Variants in ARID3A observed in about 807,000 individuals in gnomAD.
The protein encoded by ARID3A is AT-rich interactive domain-containing protein 3A.
A neutral mutation model predicts 52.7 loss-of-function variants in ARID3A; 11 were observed. That is an observed-to-expected ratio of 0.21 (90% CI 0.13 to 0.35). ARID3A has a LOEUF of 0.35. ARID3A is among the 10% of genes least tolerant of loss of function. The pLI, the probability that ARID3A is intolerant of heterozygous loss-of-function variation, is 1.00. For synonymous variants in ARID3A, 404 were observed against 359.4 expected (o/e 1.12, Z -1.40); for missense variants, 721 against 838.5 (o/e 0.86, Z 1.73).
chr19:930,318 G>A (rs1411430457), intron 2 of ARID3A, among the ~76,000 whole-genome samples: 2 of 151,796 alleles, frequency 1.3e-5, no homozygotes, highest in African/African-American at 2.4e-5. Flanking sequence ...TTGGGAGGTC[G>A]AGGTGGGTGG....
Position 944,536 on chromosome 19 carries a change from G to A in ARID3A, c.693+11794G>A, listed in dbSNP as rs1056474344. 2.0e-5 allele frequency among the ~76,000 whole-genome samples: 3 copies of A among 152,154 alleles called. No individual in the cohort carries two copies. The highest frequency in any genetic ancestry group is 1.3e-4 in the Admixed American group (2 of 15,268). ...TCACTGCTACAAATGTGGGTCTTCC[G>A]GGCAAGTGAGCGTCCCCCACCCAGG... On this transcript the variant is annotated intron_variant, in intron 3 of 8. Coordinates refer to ENST00000263620, the MANE Select transcript of ARID3A (RefSeq NM_005224.3). This position sits in a 1 kb window ranked among gnomAD's most constrained non-coding sequence, Gnocchi z 5.9.
chr19:930,744 C>T (rs112563040), intron 2 of ARID3A, among the ~76,000 whole-genome samples: 1 of 150,806 alleles, frequency 6.6e-6, no homozygotes. Context: ...CTCCTGACCT[C>T]ATGATCTGCC....
chr19:974,436 C>G lies in ARID3A; in HGVS notation c.*2371C>G, dbSNP rs1220697101. On this transcript the variant is annotated 3_prime_UTR_variant, in exon 9 of 9. Transcript: ENST00000263620. Reference sequence around the variant, plus strand: ...AGAACCACCTGGACTCTGTCCGTGTCTGTCCCCCGGCCTCCAGGGCTCCTC... The same window carrying G: ...AGAACCACCTGGACTCTGTCCGTGTGTGTCCCCCGGCCTCCAGGGCTCCTC... 1 of 231,096 alleles carries G rather than the reference C, an allele frequency of 4.3e-6. No individual in the cohort carries two copies. Among genetic ancestry groups the G allele is most frequent in the East Asian group, 6.1e-5 (1 of 16,396 alleles). 14.3% of individuals were successfully genotyped at this position (231,096 alleles called of 1,614,324 possible).
intron 3 of ARID3A, among the ~76,000 whole-genome samples, chr19:957,158 G>A (rs558059641): frequency 3.2e-4 from 49 of 152,182 alleles, no homozygotes; most frequent in African/African-American, 6.7e-4. Context: ...TACCCCAGAC[G>A]GAGCCTCTTT....
chr19:964,264 C>T lies in ARID3A; in HGVS notation c.783C>T (p.Arg261=), dbSNP rs1446951990. The change falls in exon 5 of 9, where the codon CGC becomes CGT. Residue 261 remains arginine, a synonymous_variant. Coordinates refer to ENST00000263620, the MANE Select transcript of ARID3A (RefSeq NM_005224.3). This position sits in a 1 kb window ranked among gnomAD's most constrained non-coding sequence, Gnocchi z 5.7. Reference sequence around the variant, plus strand: ...TTCCCCCAGGGACACCTGTGAACCGCATCCCCATCATGGCCAAACAGGTCC... The same window carrying T: ...TTCCCCCAGGGACACCTGTGAACCGTATCCCCATCATGGCCAAACAGGTCC... ...FMQKRGTPVN[R]IPIMAKQVLD... 7 of 1,613,128 alleles carry T rather than the reference C, an allele frequency of 4.3e-6. No individual in the cohort carries two copies. The Admixed American group carries it at 1.0e-4, about 23-fold the overall frequency.
chr19:946,467 G>A (rs1346285271), intron 3 of ARID3A, among the ~76,000 whole-genome samples: 1 of 140,778 alleles, frequency 7.1e-6, no homozygotes, highest in African/African-American at 2.7e-5. Flanking sequence ...TTTTGAGACG[G>A]AGTCTCACTG....
At chr19:962,707 G>T (rs546069644) in intron 4 of ARID3A, among the ~76,000 whole-genome samples, 3 of 151,930 alleles carry the variant, frequency 2.0e-5, no homozygotes, top group Non-Finnish European at 4.4e-5. Flanking sequence ...TAGAGACAGG[G>T]TTTCTCCCTA....
At chr19:955,641 CTATT>C (rs1489397593) in intron 3 of ARID3A, among the ~76,000 whole-genome samples, 1 of 152,142 alleles carries the variant, frequency 6.6e-6, no homozygotes, top group Non-Finnish European at 1.5e-5. Flanking sequence ...CTCACACACT[CTATT>C]TGAGAGATGG....
chr19:940,182 G>A (rs150541075), intron 3 of ARID3A, among the ~76,000 whole-genome samples: 325 of 152,264 alleles, frequency 2.1e-3, no homozygotes, highest in Non-Finnish European at 3.4e-3. Flanking sequence ...TGACTGGAGC[G>A]TAATGTGTGG....
intron 2 of ARID3A, among the ~76,000 whole-genome samples, chr19:930,385 C>T (rs896874498): frequency 6.6e-6 from 1 of 151,618 alleles, no homozygotes; most frequent in African/African-American, 2.4e-5. Flanking sequence ...AACCCCATCT[C>T]TACTAAAAAT....
chr19:968,586 C>A, intron 8 of ARID3A, 83 bp downstream of exon 8: 1 of 1,352,118 alleles, frequency 7.4e-7, no homozygotes, highest in Non-Finnish European at 1.0e-6. Context: ...CGCCTGGTCC[C>A]ACCTGCTTGA....
intron 3 of ARID3A, chr19:956,662 T>G (rs349314): frequency 0.96 from 146,880 of 152,570 alleles, 70,762 homozygotes; most frequent in East Asian, 1. Flanking sequence ...GCTGGCCGGG[T>G]TGGGGCGGAG....
chr19:972,220 A>AAAAT lies in ARID3A; in HGVS notation c.*156_*157insAATA. ...AGCTGACGCCAAAAAGAAAAGAAAA[A>AAAAT]AGATATATATATATATATATATATA... On this transcript the variant is annotated 3_prime_UTR_variant, in exon 9 of 9. Transcript: ENST00000263620. 3.3e-6 allele frequency: 1 copy of AAAAT among 303,720 alleles called. No homozygotes were observed. The allele number at this position is 303,720 out of a possible 1,614,324, so 18.8% of individuals were successfully genotyped here. A position where few individuals can be genotyped will look rare whatever the true frequency, so the allele number is the denominator to read the frequency against.
rs1412968856 is a variant in ARID3A, at chr19:942,420, G to T, written c.693+9678G>T. On this transcript the variant is annotated intron_variant, in intron 3 of 8. Coordinates refer to ENST00000263620, the MANE Select transcript of ARID3A (RefSeq NM_005224.3). This position sits in a 1 kb window ranked among gnomAD's most constrained non-coding sequence, Gnocchi z 8.1. ...CTGGCCGCCGGGAGCCGGGCCGGGA[G>T]CCGCTGCGGTGCCGACCTGGTGGGT... Among the ~76,000 whole-genome samples the T allele has an allele frequency of 1.3e-5, 2 of 152,222 alleles. No homozygotes were observed. The highest frequency in any genetic ancestry group is 2.9e-5 in the Non-Finnish European group (2 of 68,036).
At position 938,090 on chromosome 19, in the gene ARID3A, C is replaced by A. The variant is rs193054243; in HGVS notation, c.693+5348C>A. On this transcript the variant is annotated intron_variant, in intron 3 of 8. Coordinates refer to ENST00000263620, the MANE Select transcript of ARID3A (RefSeq NM_005224.3). This position sits in a 1 kb window ranked among gnomAD's most constrained non-coding sequence, Gnocchi z 4.0. ...AACTCCCAACCTCAGGTGATCCTCA[C>A]ACCTCAGCGTCCCAGAGTGCTGGGA... 6.0e-4 allele frequency among the ~76,000 whole-genome samples: 91 copies of A among 152,074 alleles called. 1 individual carries two copies. The highest frequency in any genetic ancestry group is 1.8e-4 in the Non-Finnish European group (12 of 68,016).
Position 964,797 on chromosome 19 carries a change from C to G in ARID3A, c.951-36C>G, listed in dbSNP as rs766170387. 49 of 1,599,636 alleles carry G rather than the reference C, an allele frequency of 3.1e-5. No individual in the cohort carries two copies. The East Asian group carries it at 1.0e-3, about 33-fold the overall frequency. ...AGGCCAAAGAGAGCCGTAGGGGTGA[C>G]CCGGGTGCCATCCTCTTCCCTCGTC... On this transcript the variant is annotated intron_variant, in intron 5 of 8. Transcript: ENST00000263620. The surrounding 1 kb of genome is among the most constrained non-coding windows in gnomAD (Gnocchi z 5.7).
intron 8 of ARID3A, among the ~76,000 whole-genome samples, chr19:969,647 A>G (rs146504551): frequency 2.6e-4 from 38 of 146,782 alleles, no homozygotes; most frequent in African/African-American, 9.5e-4. Context: ...ATACATATAT[A>G]CTTTTATATC....
chr19:933,846 T>TGTG (rs1555726111), intron 3 of ARID3A, among the ~76,000 whole-genome samples: 4 of 43,292 alleles, frequency 9.2e-5, no homozygotes, highest in African/African-American at 3.7e-4. Flanking sequence ...GGGGACTCGG[T>TGTG]GGGGGGGGGG....
chr19:962,790 C>T (rs1235103156), intron 4 of ARID3A, among the ~76,000 whole-genome samples: 2 of 152,190 alleles, frequency 1.3e-5, no homozygotes, highest in Non-Finnish European at 2.9e-5. Context: ...GCTGGAATGA[C>T]AGGCTTGAGC....
Sources: gnomAD v4.1 joint callset for allele counts (sites outside exome capture counted in the v4.1 genomes callset) on GRCh38, gnomAD v4.1.1 for gene constraint, Gnocchi (gnomAD v3.1) non-coding constraint, MANE v1.5 for transcripts, NCBI Gene and HGNC (gene_info 2026-07-23, HGNC 2026-07-21) for gene names.